Variants in GAA observed in about 807,000 individuals in gnomAD.
GAA encodes the protein lysosomal alpha-glucosidase.
A neutral mutation model predicts 103.9 loss-of-function variants in GAA; 88 were observed. The ratio of observed to expected loss-of-function variants is 0.85; its 90% confidence interval spans 0.71 to 1.01. The LOEUF is 1.01. Ranked by LOEUF, GAA falls within the 50% of genes least tolerant of loss-of-function variation. The probability of loss-of-function intolerance (pLI) is 0.00; values close to 1 mark genes in which losing one functional copy is unlikely to be tolerated. For synonymous variants in GAA, 572 were observed against 563.1 expected (o/e 1.02, Z -0.22); for missense variants, 1,350 against 1,305.3 (o/e 1.03, Z -0.53).
At chr17:80,112,477 C>A in intron 12 of GAA, 101 bp from the exon 13 acceptor site, 3 of 1,459,144 alleles carry the variant, frequency 2.1e-6, no homozygotes, top group Non-Finnish European at 2.8e-6. Context: ...GCCTCTGCCT[C>A]ATCCCAGAAA....
In GAA at chr17:80,117,635, A is replaced by G. The variant is rs1012503581; in HGVS notation, c.2367A>G (p.Pro789=). The G allele has an allele frequency of 1.2e-6, 2 of 1,612,352 alleles. No individual in the cohort carries two copies. Residue 789 remains proline, a synonymous_variant, in exon 17 of 20, where the codon CCA becomes CCG. Transcript: ENST00000302262. ...PVEALGSLPP[P]PAAPREPAIH... ...AGGCCCTTGGCAGCCTCCCACCCCC[A>G]CCTGCAGCTCCCCGTGAGCCAGCCA... is the stretch of plus-strand genomic sequence containing the variant.
chr17:80,107,907 C>T lies in GAA; in HGVS notation c.955+11C>T, dbSNP rs760678639. ...ACAGCAATGCCATGGGTAAGCTGCC[C>T]GCCGCCCAGCGCCCGGGCCGGGGTC... On this transcript the variant is annotated intron_variant, in intron 5 of 19. Coordinates refer to ENST00000302262, the MANE Select transcript of GAA (RefSeq NM_000152.5). 35 of 1,587,212 alleles carry T rather than the reference C, an allele frequency of 2.2e-5. No homozygotes were observed. In the South Asian group the frequency reaches 2.7e-4, roughly 12 times the overall value.
intron 1 of GAA, among the ~76,000 whole-genome samples, chr17:80,103,518 C>G (rs186966650): frequency 1.3e-5 from 2 of 152,298 alleles, no homozygotes; most frequent in African/African-American, 4.8e-5. Flanking sequence ...TCCGGCTGCT[C>G]CTGGGAGGAG....
rs998041597 is a variant in GAA at position 80,106,855 on chromosome 17, G to A, written c.693-702G>A. ...GAGGATCCCTTGAGCCCAGGGGTTC[G>A]AGGTTGCAGTGAACCATGATTTTGC... On this transcript the variant is annotated intron_variant, in intron 3 of 19. Coordinates refer to ENST00000302262, the MANE Select transcript of GAA (RefSeq NM_000152.5). Among the ~76,000 whole-genome samples the A allele has an allele frequency of 4.6e-5, 7 of 152,210 alleles. No homozygotes were observed. In the East Asian group the frequency reaches 5.8e-4, roughly 13 times the overall value.
At position 80,113,320 on chromosome 17, in the gene GAA, C is replaced by G; in HGVS notation, c.2143C>G (p.Gln715Glu). The G allele has an allele frequency of 3.1e-6, 5 of 1,599,178 alleles. No homozygotes were observed. Among genetic ancestry groups the G allele is most frequent in the Non-Finnish European group, 4.3e-6 (5 of 1,172,994 alleles). ...CCCCCACCTCTACACACTGTTCCAC[C>G]AGGCCCACGTCGCGGGGGAGACCGT... ...LLPHLYTLFH[Q>E]AHVAGETVAR... Residue 715 changes from glutamine to glutamate, a missense_variant, in exon 15 of 20, where the codon CAG becomes GAG. Gln to Glu is a conservative substitution (Grantham distance 29, BLOSUM62 2). Transcript: ENST00000302262.
chr17:80,107,515 C>G, intron 3 of GAA, 42 bp from the exon 4 acceptor site: 1 of 1,612,128 alleles, frequency 6.2e-7, no homozygotes, highest in Non-Finnish European at 8.5e-7. Flanking sequence ...GCTCGTGTGG[C>G]CCCTTGGGTG....
At chr17:80,113,464 G>C (rs895669900) in intron 15 of GAA, 98 bp downstream of exon 15, 1 of 1,188,584 alleles carries the variant, frequency 8.4e-7, no homozygotes, top group East Asian at 2.6e-5. Context: ...GTGTTCCCCA[G>C]GACCCAGCAG....
Position 80,112,680 on chromosome 17 carries a change from C to G in GAA, c.1857C>G (p.Ser619Arg), listed in dbSNP as rs914396317. The part of the protein sequence containing the change: ...YAGHWTGDVW[S>R]SWEQLASSVP... The stretch of plus-strand genomic sequence containing the variant: ...GCCACTGGACGGGGGACGTGTGGAG[C>G]TCCTGGGAGCAGCTCGCCTCCTCCG... Residue 619 changes from serine (S) to arginine (R), a missense_variant, in exon 13 of 20, where the codon AGC becomes AGG. Ser to Arg is a moderately radical substitution (Grantham distance 110). Coordinates refer to ENST00000302262, the MANE Select transcript of GAA (RefSeq NM_000152.5). 5 of 1,611,316 alleles carry G rather than the reference C, an allele frequency of 3.1e-6. No homozygotes were observed. In the East Asian group the frequency reaches 1.1e-4, roughly 36 times the overall value.
chr17:80,106,501 GCCAGCTGTGCAGGAGTGGGGGGTGGGGA>G, intron 3 of GAA, among the ~76,000 whole-genome samples: 1 of 151,376 alleles, frequency 6.6e-6, no homozygotes, highest in Non-Finnish European at 1.5e-5. Context: ...CTCTCTGGAA[GCCAGCTGTGCAGGAGTGGGGGGTGGGGA>G]GGCCACTCTG....
rs548741471 is a variant in GAA at position 80,119,517 on chromosome 17, GTCTA to G, written c.*187_*190del. 355 of 640,720 alleles carry G rather than the reference GTCTA, an allele frequency of 5.5e-4. No individual in the cohort carries two copies. Among genetic ancestry groups the G allele is most frequent in the African/African-American group, 5.4e-3 (298 of 55,626 alleles). The allele number at this position is 640,720 out of a possible 1,614,324, so 39.7% of individuals were successfully genotyped here. On this transcript the variant is annotated 3_prime_UTR_variant, in exon 20 of 20. Transcript: ENST00000302262. ...GGGCCGGGGCTCTGGCCCCCAACGT[GTCTA>G]GGAGAGCTTTCTCCCTAGATCGCAC...
Position 80,119,252 on chromosome 17 carries a change from T to A in GAA, c.2800-20T>A. 6.2e-7 allele frequency: 1 copy of A among 1,612,954 alleles called. No homozygotes were observed. The highest frequency in any genetic ancestry group is 8.5e-7 in the Non-Finnish European group (1 of 1,179,100). The stretch of plus-strand genomic sequence containing the variant: ...CTGCTGGGATCTCGGGCTGCTCCAT[T>A]TGTGCTCTCTCTTTTCCAGGTCCTG... On this transcript the variant is annotated intron_variant, in intron 19 of 19. Coordinates refer to ENST00000302262, the MANE Select transcript of GAA (RefSeq NM_000152.5).
chr17:80,103,235 G>C (rs975318723), intron 1 of GAA, among the ~76,000 whole-genome samples: 1 of 152,186 alleles, frequency 6.6e-6, no homozygotes, highest in Non-Finnish European at 1.5e-5. Flanking sequence ...TCACTGGCCA[G>C]GGGCTGCTTT....
At chr17:80,117,484 G>A in intron 16 of GAA, 116 bp from the exon 17 acceptor site, 1 of 1,235,548 alleles carries the variant, frequency 8.1e-7, no homozygotes, top group South Asian at 1.2e-5. Flanking sequence ...CAGCCCGTCT[G>A]TGCCAGGCCT....
intron 15 of GAA, among the ~76,000 whole-genome samples, chr17:80,113,596 C>A (rs953082597): frequency 6.6e-6 from 1 of 152,218 alleles, no homozygotes; most frequent in Non-Finnish European, 1.5e-5. Context: ...CAGCCCTGCA[C>A]ATCAGTGTGT....
intron 11 of GAA, among the ~76,000 whole-genome samples, chr17:80,111,276 G>A (rs936806757): frequency 1.1e-4 from 16 of 152,334 alleles, no homozygotes; most frequent in African/African-American, 3.6e-4. Context: ...CAGTGAGGCC[G>A]ACTCGACTCA....
At position 80,104,376 on chromosome 17, in the gene GAA, CCCTT is replaced by C. The variant is rs2039018750; in HGVS notation, c.-32-173_-32-170del. Among the ~76,000 whole-genome samples, 1 of 152,166 alleles carries C rather than the reference CCCTT, an allele frequency of 6.6e-6. No homozygotes were observed. The highest frequency in any genetic ancestry group is 2.4e-5 in the African/African-American group (1 of 41,428). ...CACTCCCCTGCTGGAGCTTTTCTCG[CCCTT>C]CCTTCTGGCCCTCTCCCCAGTCTAG... On this transcript the variant is annotated intron_variant, in intron 1 of 19. Transcript: ENST00000302262. The surrounding 1 kb of genome is among the most constrained non-coding windows in gnomAD (Gnocchi z 4.0).
At chr17:80,113,108 G>C in intron 14 of GAA, 81 bp downstream of exon 14, 19 of 1,549,116 alleles carry the variant, frequency 1.2e-5, no homozygotes, top group Non-Finnish European at 1.7e-5. Context: ...CCCTGCTGGA[G>C]AAGCACCCCA....
In GAA at chr17:80,112,929, G is replaced by A. The variant is rs536906561; in HGVS notation, c.1942G>A (p.Gly648Ser). 32 of 1,610,602 alleles carry A rather than the reference G, an allele frequency of 2.0e-5. No individual in the cohort carries two copies. In the Middle Eastern group the frequency reaches 6.6e-4, roughly 33 times the overall value. Residue 648 changes from glycine to serine, a missense_variant, in exon 14 of 20, where the codon GGC becomes AGC. By Grantham distance (56) the Gly-to-Ser change is moderately conservative (BLOSUM62 0). Coordinates refer to ENST00000302262, the MANE Select transcript of GAA (RefSeq NM_000152.5). ...GCCTCTGGTCGGGGCCGACGTCTGCGGCTTCCTGGGCAACACCTCAGAGGA... is the reference window on the plus strand; with the variant it reads ...GCCTCTGGTCGGGGCCGACGTCTGCAGCTTCCTGGGCAACACCTCAGAGGA... Reference protein sequence around the residue: ...GVPLVGADVCGFLGNTSEELC... With the variant: ...GVPLVGADVCSFLGNTSEELC...
rs371528938 is a variant in GAA at position 80,117,686 on chromosome 17, G to T, written c.2418G>T (p.Thr806=). 1 of 1,612,460 alleles carries T rather than the reference G, an allele frequency of 6.2e-7. No homozygotes were observed. Among genetic ancestry groups the T allele is most frequent in the Non-Finnish European group, 8.5e-7 (1 of 1,179,862 alleles). Residue 806 remains threonine, a synonymous_variant, in exon 17 of 20, where the codon ACG becomes ACT. Coordinates refer to ENST00000302262, the MANE Select transcript of GAA (RefSeq NM_000152.5). ...PAIHSEGQWV[T]LPAPLDTINV... ...TCCACAGCGAGGGGCAGTGGGTGAC[G>T]CTGCCGGCCCCCCTGGACACCATCA... is the stretch of plus-strand genomic sequence containing the variant.
Sources: allele counts gnomAD v4.1 joint callset (sites outside exome capture counted in the v4.1 genomes callset), GRCh38; gene constraint gnomAD v4.1.1; non-coding constraint Gnocchi (gnomAD v3.1); transcripts MANE v1.5; gene names NCBI Gene and HGNC (gene_info 2026-07-23, HGNC 2026-07-21).